The following GALNT13 variants were observed in gnomAD, a reference collection of about 807,000 sequenced individuals.
The protein encoded by GALNT13 is UDP-GalNAc:polypeptide N-acetylgalactosaminyltransferase 13.
In GALNT13, 28 loss-of-function variants were observed where a neutral mutation model predicts 64.2. That is an observed-to-expected ratio of 0.44 (90% confidence interval 0.32 to 0.60). The LOEUF (loss-of-function observed/expected upper bound fraction) is 0.60, where lower values mean the gene tolerates loss of function less well. GALNT13 is among the 20% of genes least tolerant of loss of function. GALNT13 has a pLI of 0.05. For missense variants in GALNT13, 577 were observed against 669.8 expected (o/e 0.86, Z 1.53); for synonymous variants, 214 against 224.6 (o/e 0.95, Z 0.42).
chr2:153,821,978 T>A, the GALNT13 span, among the ~76,000 whole-genome samples: 1 of 151,884 alleles, frequency 6.6e-6, no homozygotes, highest in Non-Finnish European at 1.5e-5. Flanking sequence ...AACTAGAAAA[T>A]CTACAGAAAA....
the GALNT13 span, among the ~76,000 whole-genome samples, chr2:153,675,877 A>C: frequency 6.6e-6 from 1 of 152,112 alleles, no homozygotes; most frequent in Non-Finnish European, 1.5e-5. Flanking sequence ...TGCTAAGAGG[A>C]AAATTTATAG....
At chr2:154,328,138 A>AT (rs1262655735) in intron 9 of GALNT13, among the ~76,000 whole-genome samples, 1 of 152,062 alleles carries the variant, frequency 6.6e-6, no homozygotes, top group East Asian at 1.9e-4. Flanking sequence ...CTAGGTACTG[A>AT]TTGTACCTTA....
chr2:154,293,472 A>G (rs1323124742), intron 8 of GALNT13, among the ~76,000 whole-genome samples: 1 of 152,198 alleles, frequency 6.6e-6, no homozygotes, highest in Non-Finnish European at 1.5e-5. Flanking sequence ...AATTATGGCA[A>G]TAAAAGTTAA....
intron 3 of GALNT13, among the ~76,000 whole-genome samples, chr2:154,126,364 G>A (rs938969489): frequency 6.6e-6 from 1 of 152,018 alleles, no homozygotes; most frequent in Non-Finnish European, 1.5e-5. Flanking sequence ...GGCCAGGCGC[G>A]GTTGCTCACG....
At chr2:154,377,911 T>A (rs1169165831) in intron 9 of GALNT13, among the ~76,000 whole-genome samples, 1 of 152,190 alleles carries the variant, frequency 6.6e-6, no homozygotes, top group Non-Finnish European at 1.5e-5. Flanking sequence ...TTTAGTGTTT[T>A]GATCATATGA....
the GALNT13 span, among the ~76,000 whole-genome samples, chr2:153,152,279 T>C: frequency 1.3e-5 from 2 of 152,030 alleles, no homozygotes; most frequent in Admixed American, 1.3e-4. Context: ...CAGGGAAATA[T>C]CATAAATGGG....
At chr2:154,447,059 T>C (rs995524305) in intron 12 of GALNT13, among the ~76,000 whole-genome samples, 3 of 151,982 alleles carry the variant, frequency 2.0e-5, no homozygotes, top group Non-Finnish European at 2.9e-5. Context: ...TAACTCTCTT[T>C]GAGGCAAACT....
chr2:153,092,845 A>G, the GALNT13 span, among the ~76,000 whole-genome samples: 14 of 152,166 alleles, frequency 9.2e-5, no homozygotes, highest in Admixed American at 3.9e-4. Context: ...TATTGCTTCC[A>G]TGGTACTAGA....
the GALNT13 span, among the ~76,000 whole-genome samples, chr2:153,669,201 A>G: frequency 6.6e-6 from 1 of 151,990 alleles, no homozygotes; most frequent in African/African-American, 2.4e-5. Flanking sequence ...TCCCCCAACC[A>G]CAGCCTCCCC....
chr2:154,331,497 G>T (rs1695166765), intron 9 of GALNT13, among the ~76,000 whole-genome samples: 1 of 151,732 alleles, frequency 6.6e-6, no homozygotes, highest in African/African-American at 2.4e-5. Context: ...GTAGAGACTG[G>T]GTCTCGCCAT....
chr2:153,991,319 G>A (rs966683126), intron 3 of GALNT13, among the ~76,000 whole-genome samples: 1 of 152,120 alleles, frequency 6.6e-6, no homozygotes, highest in Admixed American at 6.6e-5. Context: ...GAGGATTCAG[G>A]GACCTGAAGA....
chr2:153,579,651 C>T, the GALNT13 span, among the ~76,000 whole-genome samples: 1 of 152,114 alleles, frequency 6.6e-6, no homozygotes, highest in Non-Finnish European at 1.5e-5. Context: ...GGGCCATGGA[C>T]CTGTACTGGT....
intron 9 of GALNT13, among the ~76,000 whole-genome samples, chr2:154,358,377 A>G (rs1696868729): frequency 6.6e-6 from 1 of 152,096 alleles, no homozygotes; most frequent in African/African-American, 2.4e-5. Context: ...GGTTACTCAT[A>G]CTAAATGCTC....
intron 9 of GALNT13, among the ~76,000 whole-genome samples, chr2:154,366,361 T>C (rs1421748951): frequency 6.6e-6 from 1 of 152,202 alleles, no homozygotes; most frequent in East Asian, 1.9e-4. Flanking sequence ...AATTTAAGGA[T>C]GTATATGTCA....
chr2:153,432,719 G>C, the GALNT13 span, among the ~76,000 whole-genome samples: 1 of 151,780 alleles, frequency 6.6e-6, no homozygotes, highest in African/African-American at 2.4e-5. Flanking sequence ...TGGCTGGGGG[G>C]TGGGGAGGTG....
the GALNT13 span, among the ~76,000 whole-genome samples, chr2:153,241,993 C>A: frequency 1.3e-5 from 2 of 151,998 alleles, no homozygotes; most frequent in African/African-American, 2.4e-5. Context: ...AAGAGCTTAA[C>A]CTTGTGACCA....
At chr2:153,437,942 A>C in the GALNT13 span, among the ~76,000 whole-genome samples, 1 of 152,170 alleles carries the variant, frequency 6.6e-6, no homozygotes, top group Non-Finnish European at 1.5e-5. Context: ...TACAATTGGC[A>C]TGTTTTTGCA....
chr2:153,478,349 T>G, the GALNT13 span: 1 of 1,614,164 alleles, frequency 6.2e-7, no homozygotes, highest in Non-Finnish European at 8.5e-7. Flanking sequence ...AGGAAGAAGA[T>G]GCCGAAGACC....
chr2:153,123,322 T>G, the GALNT13 span, among the ~76,000 whole-genome samples: 1 of 152,286 alleles, frequency 6.6e-6, no homozygotes, highest in East Asian at 1.9e-4. Context: ...AAAGAGCCAC[T>G]TGGCTTGTGG....
Sources: gnomAD v4.1 joint callset for allele counts (sites outside exome capture counted in the v4.1 genomes callset) on GRCh38, gnomAD v4.1.1 for gene constraint, MANE v1.5 for transcripts, NCBI Gene and HGNC (gene_info 2026-07-23, HGNC 2026-07-21) for gene names.